The following REPS2 variants were observed in gnomAD, a reference collection of about 807,000 sequenced individuals.
REPS2 encodes the protein ralBP1-associated Eps domain-containing protein 2.
Under a neutral mutation model 53.6 loss-of-function variants are expected in REPS2, and 23 were observed. That is an observed-to-expected ratio of 0.43 (90% confidence interval 0.31 to 0.61). REPS2 has a LOEUF of 0.61. Among genes scored for constraint, REPS2 ranks in the 20% least tolerant of loss-of-function variants. The pLI is 0.11. For missense variants in REPS2, 446 were observed against 534.9 expected, an observed-to-expected ratio of 0.83 and a Z score of 1.64; for synonymous variants, 238 against 218.6, an observed-to-expected ratio of 1.09 and a Z score of -0.78.
In REPS2 at chrX:17,039,164, A is replaced by G. The variant is rs780303260; in HGVS notation, c.772-8183A>G. Among the ~76,000 whole-genome samples, 73 of 111,902 alleles carry G rather than the reference A, an allele frequency of 6.5e-4. 1 individual carries two copies. Among genetic ancestry groups the G allele is most frequent in the Non-Finnish European group, 1.2e-3 (64 of 53,162 alleles). On this transcript the variant is annotated intron_variant, in intron 5 of 17. Transcript: ENST00000357277. ...GTTAATGGAAGTCTGCAGCCTTGTC[A>G]GAGTCTCCTCTTACTGCTGATTTCT... is the stretch of plus-strand genomic sequence containing the variant.
intron 11 of REPS2, among the ~76,000 whole-genome samples, chrX:17,072,132 C>A (rs2033120): frequency 9.1e-6 from 1 of 110,405 alleles, no homozygotes; most frequent in East Asian, 2.8e-4. Flanking sequence ...TTCTGTCCTT[C>A]CATTACCTGC....
Position 17,149,214 on chromosome X carries a change from C to G in REPS2, c.*1733C>G, listed in dbSNP as rs1160294513. The G allele has an allele frequency of 4.5e-6, 1 of 223,580 alleles. No individual in the cohort carries two copies. The highest frequency in any genetic ancestry group is 8.3e-6 in the Non-Finnish European group (1 of 120,411). 18.4% of individuals were successfully genotyped at this position (223,580 alleles called of 1,213,427 possible). On this transcript the variant is annotated 3_prime_UTR_variant, in exon 18 of 18. Coordinates refer to ENST00000357277, the MANE Select transcript of REPS2 (RefSeq NM_004726.3). ...GAAGGGTTGGGAGTAAGTTTAAACTCTTCCGAAGATTATGAATGGGTCAGC... is the reference window on the plus strand; with the variant it reads ...GAAGGGTTGGGAGTAAGTTTAAACTGTTCCGAAGATTATGAATGGGTCAGC...
intron 14 of REPS2, among the ~76,000 whole-genome samples, chrX:17,112,931 CA>C (rs911922233): frequency 9.6e-6 from 1 of 104,255 alleles, no homozygotes; most frequent in African/African-American, 3.5e-5. Context: ...ACTAAAAATA[CA>C]AAAAAAATGT....
At chrX:17,014,931 G>A (rs1016326503) in intron 2 of REPS2, among the ~76,000 whole-genome samples, 4 of 113,267 alleles carry the variant, frequency 3.5e-5, no homozygotes, top group African/African-American at 1.3e-4. Context: ...GTTCAGGATG[G>A]TAGTATAGCC....
intron 14 of REPS2, among the ~76,000 whole-genome samples, chrX:17,109,572 C>T (rs1245380523): frequency 9.0e-6 from 1 of 111,053 alleles, no homozygotes; most frequent in African/African-American, 3.3e-5. Context: ...GCCTGGGAGT[C>T]AAGGGATTCT....
At chrX:17,028,145 G>T (rs2061669615) in intron 4 of REPS2, among the ~76,000 whole-genome samples, 1 of 111,740 alleles carries the variant, frequency 8.9e-6, no homozygotes, top group African/African-American at 3.3e-5. Flanking sequence ...CCAAGGGCCA[G>T]ATGGTGGCCT....
chrX:17,135,106 T>G (rs2063348210), intron 15 of REPS2, among the ~76,000 whole-genome samples, 155 bp from the exon 16 acceptor site: 1 of 111,303 alleles, frequency 9.0e-6, no homozygotes, highest in Non-Finnish European at 1.9e-5. Flanking sequence ...CTGATGCCTG[T>G]GTCCCCCCAG....
At chrX:17,101,205 C>T (rs1351867930) in intron 13 of REPS2, among the ~76,000 whole-genome samples, 6 of 108,879 alleles carry the variant, frequency 5.5e-5, no homozygotes, top group Non-Finnish European at 1.1e-4. Context: ...AGGCGCCCGC[C>T]ACCATGCCTG....
At chrX:17,141,718 G>T (rs1467470968) in intron 17 of REPS2, among the ~76,000 whole-genome samples, 5 of 112,152 alleles carry the variant, frequency 4.5e-5, no homozygotes, top group Non-Finnish European at 9.4e-5. Context: ...TAGCCCTGTA[G>T]TGATATAGTT....
intron 13 of REPS2, among the ~76,000 whole-genome samples, chrX:17,084,758 T>TA (rs745604792): frequency 8.9e-6 from 1 of 112,658 alleles, no homozygotes; most frequent in Non-Finnish European, 1.9e-5. Flanking sequence ...TGTTGATTTG[T>TA]AAATGTTCTT....
chrX:17,076,766 G>GA (rs2062387094), intron 12 of REPS2, among the ~76,000 whole-genome samples: 1 of 111,872 alleles, frequency 8.9e-6, no homozygotes, highest in Non-Finnish European at 1.9e-5. Flanking sequence ...TGATTGATGT[G>GA]TGTTTTCCTT....
intron 2 of REPS2, among the ~76,000 whole-genome samples, chrX:17,021,407 A>T (rs1602701457): frequency 8.9e-6 from 1 of 112,736 alleles, no homozygotes; most frequent in East Asian, 2.8e-4. Context: ...TGGCTGAATG[A>T]TAGATTGATT....
chrX:17,145,818 C>G (rs746605102), intron 17 of REPS2, among the ~76,000 whole-genome samples: 4 of 112,053 alleles, frequency 3.6e-5, no homozygotes, highest in African/African-American at 1.3e-4. Flanking sequence ...ATTAGAAACA[C>G]TCAATGCCAG....
intron 13 of REPS2, among the ~76,000 whole-genome samples, chrX:17,101,543 T>C (rs776437336): frequency 1.8e-5 from 2 of 112,428 alleles, no homozygotes; most frequent in South Asian, 3.7e-4. Context: ...CAATAAATGA[T>C]GTTGTAGGTG....
intron 8 of REPS2, among the ~76,000 whole-genome samples, chrX:17,060,790 T>C (rs1258447147): frequency 9.0e-6 from 1 of 110,627 alleles, no homozygotes; most frequent in Non-Finnish European, 1.9e-5. Flanking sequence ...GTGGGGAACA[T>C]ATGACGGGCA....
rs147743232 is a variant in REPS2, at chrX:17,102,859, T to C, written c.1517-859T>C. On this transcript the variant is annotated intron_variant, in intron 13 of 17. Transcript: ENST00000357277. ...TACAAATTTGCAAATAAACTACATA[T>C]AGTTATTTGGACGATGGTGTTTTTC... 3.0e-3 allele frequency among the ~76,000 whole-genome samples: 338 copies of C among 112,724 alleles called. 2 individuals are homozygous for C. Among genetic ancestry groups the C allele is most frequent in the African/African-American group, 8.2e-3 (256 of 31,103 alleles).
chrX:17,025,263 A>ATTT, intron 4 of REPS2, 78 bp downstream of exon 4: 1 of 994,945 alleles, frequency 1.0e-6, no homozygotes, highest in Non-Finnish European at 1.3e-6. Flanking sequence ...TAACGCTTCA[A>ATTT]GCTGCTTAAT....
chrX:16,976,227 G>A (rs1393712470), intron 1 of REPS2, among the ~76,000 whole-genome samples: 1 of 111,442 alleles, frequency 9.0e-6, no homozygotes, highest in Non-Finnish European at 1.9e-5. Context: ...ATACTAACAG[G>A]GAAATTTCTG....
chrX:17,096,387 C>T (rs901899670), intron 13 of REPS2, among the ~76,000 whole-genome samples: 4 of 110,970 alleles, frequency 3.6e-5, no homozygotes, highest in East Asian at 2.8e-4. Context: ...AGGCCGGGCG[C>T]GGTGGCTCAC....
Sources: gnomAD v4.1 joint callset for allele counts (sites outside exome capture counted in the v4.1 genomes callset) on GRCh38, gnomAD v4.1.1 for gene constraint, MANE v1.5 for transcripts, NCBI Gene and HGNC (gene_info 2026-07-23, HGNC 2026-07-21) for gene names.